The following RFX1 variants were observed in gnomAD, a reference collection of about 807,000 sequenced individuals.
The protein encoded by RFX1 is MHC class II regulatory factor RFX1.
Under a neutral mutation model 119.6 loss-of-function variants are expected in RFX1, and 42 were observed. The ratio of observed to expected loss-of-function variants is 0.35; its 90% confidence interval spans 0.27 to 0.45. RFX1 has a LOEUF of 0.45. Ranked by LOEUF, RFX1 falls within the 20% of genes least tolerant of loss-of-function variation. RFX1 has a pLI of 1.00. For missense variants in RFX1, 1,118 were observed against 1,368.1 expected, an observed-to-expected ratio of 0.82 and a Z score of 2.88; for synonymous variants, 628 against 618.5, an observed-to-expected ratio of 1.02 and a Z score of -0.23.
At chr19:13,974,537 ACCT>A (rs1474643129) in intron 8 of RFX1, among the ~76,000 whole-genome samples, 2 of 152,156 alleles carry the variant, frequency 1.3e-5, no homozygotes, top group African/African-American at 4.8e-5. Context: ...AAGCTCCAGA[ACCT>A]AACACCGGGC....
In RFX1 at chr19:13,968,413, T is replaced by C; in HGVS notation, c.1732+152A>G. The C allele has an allele frequency of 1.5e-6, 1 of 648,848 alleles. No individual in the cohort carries two copies. Among genetic ancestry groups the C allele is most frequent in the South Asian group, 1.7e-5 (1 of 58,212 alleles). The allele number at this position is 648,848 out of a possible 1,614,324, so 40.2% of individuals were successfully genotyped here. On this transcript the variant is annotated intron_variant, in intron 12 of 20. Transcript: ENST00000254325. This position sits in a 1 kb window ranked among gnomAD's most constrained non-coding sequence, Gnocchi z 5.5. ...CAGAACTGTCACTGTGGACGGAGAC[T>C]GTGATGTCTCCCCCACCCCCTGCTG...
intron 5 of RFX1, among the ~76,000 whole-genome samples, chr19:13,981,511 G>A (rs150695198): frequency 0.012 from 1,845 of 152,294 alleles, 35 homozygotes; most frequent in African/African-American, 0.042. Flanking sequence ...CAGGAGAATC[G>A]CTTGAACCCA....
intron 6 of RFX1, 70 bp from the exon 7 acceptor site, chr19:13,979,612 A>G: frequency 9.1e-7 from 1 of 1,102,168 alleles, no homozygotes; most frequent in Middle Eastern, 2.1e-4. Context: ...GCCCCTGCAC[A>G]GGTGAGCTTC....
intron 8 of RFX1, among the ~76,000 whole-genome samples, chr19:13,973,974 G>C (rs1396420551): frequency 6.6e-6 from 1 of 152,004 alleles, no homozygotes; most frequent in Non-Finnish European, 1.5e-5. Flanking sequence ...ATACCGAAGG[G>C]TTAGGGAACT....
intron 5 of RFX1, 34 bp downstream of exon 5, chr19:13,982,087 A>C: frequency 8.8e-7 from 1 of 1,137,034 alleles, no homozygotes; most frequent in Non-Finnish European, 1.2e-6. Context: ...GGGAGACAGC[A>C]GGGGGGAGGG....
rs375616246 is a variant in RFX1, at chr19:13,972,848, G to T, written c.1209C>A (p.Thr403=). Residue 403 remains threonine, a synonymous_variant, in exon 9 of 21, where the codon ACC becomes ACA. Transcript: ENST00000254325. ...TGCCTGCTCCGCTGCCGCCGCCTCCGGTGCTGCCACTGCCACCCCCGCCAC... is the reference window on the plus strand; with the variant it reads ...TGCCTGCTCCGCTGCCGCCGCCTCCTGTGCTGCCACTGCCACCCCCGCCAC... The part of the protein sequence containing the change: ...GGGGGGGSGS[T]GGGGSGAGTY... 1.5e-5 allele frequency: 24 copies of T among 1,576,696 alleles called. No individual in the cohort carries two copies. Among genetic ancestry groups the T allele is most frequent in the Non-Finnish European group, 2.0e-5 (23 of 1,164,422 alleles).
chr19:13,978,207 C>G lies in RFX1; in HGVS notation c.835-121G>C, dbSNP rs557955464. The stretch of plus-strand genomic sequence containing the variant: ...GCCCAGCTCCCGGACCCAAGGGTGG[C>G]TTCTGGACTCTCAACAAAACACCCT... On this transcript the variant is annotated intron_variant, in intron 7 of 20. Transcript: ENST00000254325. The G allele has an allele frequency of 2.5e-5, 16 of 647,752 alleles. No homozygotes were observed. In the African/African-American group the frequency reaches 2.9e-4, roughly 12 times the overall value. 40.1% of individuals were successfully genotyped at this position (647,752 alleles called of 1,614,324 possible).
chr19:13,969,928 T>TGGGGGGGGGGGGGGGGGGGG lies in RFX1; in HGVS notation c.1496+65_1496+66insCCCCCCCCCCCCCCCCCCCC. 1 of 1,488,616 alleles carries TGGGGGGGGGGGGGGGGGGGG rather than the reference T, an allele frequency of 6.7e-7. No homozygotes were observed. Among genetic ancestry groups the TGGGGGGGGGGGGGGGGGGGG allele is most frequent in the South Asian group, 1.3e-5 (1 of 77,330 alleles). The allele number at this position is 1,488,616 out of a possible 1,614,324, so 92.2% of individuals were successfully genotyped here. A position where few individuals can be genotyped will look rare whatever the true frequency, so the allele number is the denominator to read the frequency against. ...CTGGACTGCCTGAGATGACTCGGAG[T>TGGGGGGGGGGGGGGGGGGGG]GGGGGTGGGCCTTGGCATGCCCACC... On this transcript the variant is annotated intron_variant, in intron 10 of 20. Transcript: ENST00000254325. The surrounding 1 kb of genome is among the most constrained non-coding windows in gnomAD (Gnocchi z 4.5).
At chr19:13,999,002 G>A (rs970536072) in intron 1 of RFX1, among the ~76,000 whole-genome samples, 2 of 152,164 alleles carry the variant, frequency 1.3e-5, no homozygotes, top group African/African-American at 4.8e-5. Flanking sequence ...GGAGATCGAG[G>A]AACAACTAAA....
At chr19:13,970,300 C>T (rs1311616766) in intron 9 of RFX1, 125 bp from the exon 10 acceptor site, 11 of 724,452 alleles carry the variant, frequency 1.5e-5, no homozygotes, top group Non-Finnish European at 2.3e-5. Context: ...CATAAGTTAG[C>T]ACATCCTACT....
At chr19:13,976,760 G>A (rs1005019050) in intron 8 of RFX1, among the ~76,000 whole-genome samples, 1 of 152,164 alleles carries the variant, frequency 6.6e-6, no homozygotes, top group African/African-American at 2.4e-5. Context: ...CAGCACTTTC[G>A]GAGGCCAAGA....
chr19:13,997,377 G>C (rs747381513), intron 1 of RFX1, among the ~76,000 whole-genome samples: 15 of 152,104 alleles, frequency 9.9e-5, no homozygotes, highest in Non-Finnish European at 1.6e-4. Flanking sequence ...GAGCCCCTAC[G>C]GCTCCATCTG....
rs976181706 is a variant in RFX1, at chr19:13,978,084, C to T, written c.837G>A (p.Val279=). The change falls in exon 8 of 21, where the codon GTG becomes GTA. Residue 279 remains valine, a splice_region_variant and synonymous_variant. Coordinates refer to ENST00000254325, the MANE Select transcript of RFX1 (RefSeq NM_002918.5). The part of the protein sequence containing the change: ...GLQPVHVAQE[V]QQLQQVPVPH... ...GGACGGGCACCTGCTGGAGCTGCTG[C>T]ACCTGGGGCAGAGGAAGGGCACGTG... 6 of 1,612,358 alleles carry T rather than the reference C, an allele frequency of 3.7e-6. No individual in the cohort carries two copies. The Admixed American group carries it at 8.3e-5, about 22-fold the overall frequency.
chr19:13,994,937 T>TATATATATAA (rs1194739757), intron 1 of RFX1, among the ~76,000 whole-genome samples: 2 of 111,504 alleles, frequency 1.8e-5, no homozygotes, highest in Non-Finnish European at 1.8e-5. Flanking sequence ...TATATATATA[T>TATATATATAA]AATCATTTTT....
chr19:13,980,545 C>G lies in RFX1; in HGVS notation c.738+28G>C. The G allele has an allele frequency of 6.9e-7, 1 of 1,444,906 alleles. No individual in the cohort carries two copies. 89.5% of individuals were successfully genotyped at this position (1,444,906 alleles called of 1,614,324 possible). A position where few individuals can be genotyped will look rare whatever the true frequency, so the allele number is the denominator to read the frequency against. ...GGCTGCCTGGCCGGTACCCCTGGAC[C>G]GAGCCACTGCCCGCCTTGGCCTGGC... On this transcript the variant is annotated intron_variant, in intron 6 of 20. Coordinates refer to ENST00000254325, the MANE Select transcript of RFX1 (RefSeq NM_002918.5). This position sits in a 1 kb window ranked among gnomAD's most constrained non-coding sequence, Gnocchi z 5.1.
At position 13,961,623 on chromosome 19, in the gene RFX1, C is replaced by CT. The variant is rs1279915604; in HGVS notation, c.*1071dup. 1 of 152,874 alleles carries CT rather than the reference C, an allele frequency of 6.5e-6. No individual in the cohort carries two copies. The highest frequency in any genetic ancestry group is 2.4e-5 in the African/African-American group (1 of 41,370). The allele number at this position is 152,874 out of a possible 1,614,324, so 9.5% of individuals were successfully genotyped here. A position where few individuals can be genotyped will look rare whatever the true frequency, so the allele number is the denominator to read the frequency against. On this transcript the variant is annotated 3_prime_UTR_variant, in exon 21 of 21. Transcript: ENST00000254325. ...CACTAGACTACCACACGTGTGGACA[C>CT]TTTCACCACCGGGAGAGGGAGCCCC...
rs1238089579 is a variant in RFX1, at chr19:13,983,598, G to A, written c.320-3C>T. The A allele has an allele frequency of 6.3e-7, 1 of 1,591,776 alleles. No individual in the cohort carries two copies. The highest frequency in any genetic ancestry group is 8.5e-7 in the Non-Finnish European group (1 of 1,170,764). On this transcript the variant is annotated splice_polypyrimidine_tract_variant and splice_region_variant and intron_variant, in intron 2 of 20. Coordinates refer to ENST00000254325, the MANE Select transcript of RFX1 (RefSeq NM_002918.5). Reference sequence around the variant, plus strand: ...CTCGCTGGCCCGCATGGCACCTTCTGTGGGGAGGGGCCACCAGGTCAGTTC... The same window carrying A: ...CTCGCTGGCCCGCATGGCACCTTCTATGGGGAGGGGCCACCAGGTCAGTTC...
chr19:14,004,646 G>C lies in RFX1; in HGVS notation c.-53+1457C>G, dbSNP rs563068037. ...CTAAAAAGGGCCAGGCCTAGAAAAA[G>C]TACCTGGAGAAGTTAGGACCCGCCA... On this transcript the variant is annotated intron_variant, in intron 1 of 20. Transcript: ENST00000254325. Among the ~76,000 whole-genome samples the C allele has an allele frequency of 1.1e-4, 17 of 152,262 alleles. No individual in the cohort carries two copies. In the East Asian group the frequency reaches 2.1e-3, roughly 19 times the overall value.
chr19:13,975,796 G>T (rs1408115277), intron 8 of RFX1, among the ~76,000 whole-genome samples: 4 of 152,278 alleles, frequency 2.6e-5, no homozygotes, highest in African/African-American at 9.6e-5. Context: ...AGGCCCAGGG[G>T]CTGTGGCTTT....
Sources: gnomAD v4.1 joint callset for allele counts (sites outside exome capture counted in the v4.1 genomes callset) on GRCh38, gnomAD v4.1.1 for gene constraint, Gnocchi (gnomAD v3.1) non-coding constraint, MANE v1.5 for transcripts, NCBI Gene and HGNC (gene_info 2026-07-23, HGNC 2026-07-21) for gene names.